TRIOBP: variants seen among roughly 807,000 people sequenced by gnomAD.
TRIOBP encodes TRIO and F-actin binding protein.
Under a neutral mutation model 238.8 loss-of-function variants are expected in TRIOBP, and 169 were observed. That is an observed-to-expected ratio of 0.71 (90% CI 0.62 to 0.80). TRIOBP has a LOEUF of 0.80. Among genes scored for constraint, TRIOBP ranks in the 30% least tolerant of loss-of-function variants. TRIOBP has a pLI of 0.00. For synonymous variants in TRIOBP, 1,150 were observed against 1,274.4 expected (o/e 0.90, Z 2.08); for missense variants, 2,838 against 3,122.6 (o/e 0.91, Z 2.17).
chr22:37,721,968 G>T (rs1366836126), intron 6 of TRIOBP, among the ~76,000 whole-genome samples: 3 of 152,158 alleles, frequency 2.0e-5, no homozygotes, highest in African/African-American at 7.2e-5. Flanking sequence ...GGTCACTACT[G>T]AGGACAGTTA....
At position 37,726,336 on chromosome 22, in the gene TRIOBP, G is replaced by C; in HGVS notation, c.3780G>C (p.Glu1260Asp). The C allele has an allele frequency of 6.2e-7, 1 of 1,611,670 alleles. No homozygotes were observed. Among genetic ancestry groups the C allele is most frequent in the African/African-American group, 1.3e-5 (1 of 75,054 alleles). Residue 1260 changes from glutamate (E) to aspartate (D), a missense_variant, in exon 7 of 24, where the codon GAG (glutamate) becomes GAC (aspartate). Coordinates refer to ENST00000644935, the MANE Select transcript of TRIOBP (RefSeq NM_001039141.3). ...CCCGGGGCTCAGCGCCTCCCGGGGA[G>C]ACCAGGCACAACTTGGAGCGGGAGG... ...GGSRGSAPPG[E>D]TRHNLEREEY...
intron 15 of TRIOBP, among the ~76,000 whole-genome samples, chr22:37,755,954 G>T (rs1487380921): frequency 6.6e-6 from 1 of 152,206 alleles, no homozygotes; most frequent in Non-Finnish European, 1.5e-5. Context: ...TGGGGGCCGT[G>T]TCTAAGCCTG....
intron 5 of TRIOBP, among the ~76,000 whole-genome samples, chr22:37,714,795 GCCT>G (rs1923431824): frequency 6.6e-6 from 1 of 152,072 alleles, no homozygotes; most frequent in African/African-American, 2.4e-5. Context: ...CCCCACCTCA[GCCT>G]CCTCAGTAGC....
intron 10 of TRIOBP, among the ~76,000 whole-genome samples, chr22:37,740,112 AG>A (rs1924864634): frequency 6.6e-6 from 1 of 152,182 alleles, no homozygotes; most frequent in South Asian, 2.1e-4. Flanking sequence ...ATGTGGTAGC[AG>A]GGTCGGGGGC....
chr22:37,743,776 G>A (rs955271628), intron 11 of TRIOBP, among the ~76,000 whole-genome samples: 1 of 148,984 alleles, frequency 6.7e-6, no homozygotes, highest in African/African-American at 2.5e-5. Context: ...GCATTGGGAG[G>A]GGGAAGGGGA....
chr22:37,751,531 C>T, intron 11 of TRIOBP: 2 of 570,778 alleles, frequency 3.5e-6, no homozygotes, highest in Non-Finnish European at 3.2e-6. Context: ...GTGTGCCAGC[C>T]ACCCAGCCCA....
At chr22:37,722,718 C>T (rs1206444812) in intron 6 of TRIOBP, among the ~76,000 whole-genome samples, 3 of 152,208 alleles carry the variant, frequency 2.0e-5, no homozygotes, top group African/African-American at 7.2e-5. Context: ...CAGAGCGAGA[C>T]TCTGACTCAA....
intron 17 of TRIOBP, among the ~76,000 whole-genome samples, chr22:37,761,020 T>C (rs1926218411): frequency 6.6e-6 from 1 of 151,282 alleles, no homozygotes; most frequent in Non-Finnish European, 1.5e-5. Flanking sequence ...ATCTAGGCCC[T>C]AGGCAGGAGG....
At position 37,724,785 on chromosome 22, in the gene TRIOBP, C is replaced by T. The variant is rs1426782101; in HGVS notation, c.2229C>T (p.Asn743=). The change falls in exon 7 of 24, where the codon AAC becomes AAT. Residue 743 remains asparagine (N), a synonymous_variant. Coordinates refer to ENST00000644935, the MANE Select transcript of TRIOBP (RefSeq NM_001039141.3). ...GCAACAGAACCATCCAGCGAGACAA[C>T]CCCAGAACATCCTGTGCCCAGCGGG... ...SSRNRTIQRD[N]PRTSCAQRDN... 1 of 1,612,900 alleles carries T rather than the reference C, an allele frequency of 6.2e-7. No homozygotes were observed. The highest frequency in any genetic ancestry group is 8.5e-7 in the Non-Finnish European group (1 of 1,179,214).
In TRIOBP at chr22:37,723,323, C is replaced by G; in HGVS notation, c.767C>G (p.Thr256Arg). ...CCACACAGTGGACCTCGAAGCACCA[C>G]GTCTCAGGCTTCTCCTGCCCAAAGG... ...MTPHSGPRST[T>R]SQASPAQRDT... Residue 256 changes from threonine to arginine, a missense_variant, in exon 7 of 24, where the codon ACG (threonine) becomes AGG (arginine). This residue lies in a region of TRIOBP where 535 missense variants were observed against 537.3 expected (regional missense o/e 1.00). Coordinates refer to ENST00000644935, the MANE Select transcript of TRIOBP (RefSeq NM_001039141.3). 1 of 1,614,134 alleles carries G rather than the reference C, an allele frequency of 6.2e-7. No individual in the cohort carries two copies. Among genetic ancestry groups the G allele is most frequent in the Non-Finnish European group, 8.5e-7 (1 of 1,179,994 alleles).
intron 6 of TRIOBP, among the ~76,000 whole-genome samples, chr22:37,721,258 C>G (rs1923814473): frequency 6.6e-6 from 1 of 152,142 alleles, no homozygotes; most frequent in South Asian, 2.1e-4. Flanking sequence ...GATGATCCAC[C>G]CGCCTTGGCC....
At chr22:37,737,071 A>G (rs1450382275) in intron 9 of TRIOBP, among the ~76,000 whole-genome samples, 30 of 152,216 alleles carry the variant, frequency 2.0e-4, no homozygotes, top group Non-Finnish European at 4.4e-5. Context: ...AGCAGGGATA[A>G]GTCAGCTCGT....
At chr22:37,756,956 A>G (rs920961782) in intron 15 of TRIOBP, among the ~76,000 whole-genome samples, 4 of 152,116 alleles carry the variant, frequency 2.6e-5, no homozygotes, top group African/African-American at 9.7e-5. Flanking sequence ...CTCATTGATC[A>G]CCATTTGCAA....
At chr22:37,731,185 T>C (rs1924404546) in intron 7 of TRIOBP, among the ~76,000 whole-genome samples, 1 of 151,994 alleles carries the variant, frequency 6.6e-6, no homozygotes, top group African/African-American at 2.4e-5. Flanking sequence ...TCACCCAGGC[T>C]GGAATGCAGT....
intron 11 of TRIOBP, chr22:37,750,499 A>G (rs1162983088): frequency 2.6e-6 from 1 of 387,372 alleles, no homozygotes; most frequent in African/African-American, 2.1e-5. Flanking sequence ...TGTGGTCACC[A>G]ATCTTCATTC....
At chr22:37,739,090 A>G (rs1306919667) in intron 10 of TRIOBP, among the ~76,000 whole-genome samples, 1 of 152,166 alleles carries the variant, frequency 6.6e-6, no homozygotes, top group Non-Finnish European at 1.5e-5. Flanking sequence ...TTCCACGAGC[A>G]GGAGCCAGAG....
intron 11 of TRIOBP, among the ~76,000 whole-genome samples, chr22:37,743,846 CTGGGTGTGTGT>C (rs1421058574): frequency 1.7e-5 from 1 of 59,014 alleles, no homozygotes; most frequent in Non-Finnish European, 3.3e-5. Flanking sequence ...TGTGTGTGTG[CTGGGTGTGTGT>C]GAGTGTGTGC....
intron 17 of TRIOBP, among the ~76,000 whole-genome samples, chr22:37,762,788 G>A (rs1926309842): frequency 6.6e-6 from 1 of 152,146 alleles, no homozygotes; most frequent in African/African-American, 2.4e-5. Context: ...CTGGAGGAGT[G>A]ACAGCTGGGA....
Position 37,724,694 on chromosome 22 carries a change from G to T in TRIOBP, c.2138G>T (p.Arg713Ile), listed in dbSNP as rs1924029099. 2 of 1,607,738 alleles carry T rather than the reference G, an allele frequency of 1.2e-6. No individual in the cohort carries two copies. The highest frequency in any genetic ancestry group is 1.7e-6 in the Non-Finnish European group (2 of 1,177,504). ...RDDPRASSPNRTTQQENPRTS... is the reference protein window; with the variant it reads ...RDDPRASSPNITTQQENPRTS... The stretch of plus-strand genomic sequence containing the variant: ...GATCCCAGAGCCTCCTCTCCTAACA[G>T]AACCACCCAACAAGAGAACCCCAGA... Residue 713 changes from arginine (R) to isoleucine (I), a missense_variant, in exon 7 of 24, where the codon AGA (arginine) becomes ATA (isoleucine). Physicochemically the swap from Arg to Ile is moderately conservative, Grantham distance 97. Coordinates refer to ENST00000644935, the MANE Select transcript of TRIOBP (RefSeq NM_001039141.3).
Sources: allele counts gnomAD v4.1 joint callset (sites outside exome capture counted in the v4.1 genomes callset), GRCh38; gene constraint gnomAD v4.1.1; regional missense constraint gnomAD v4.1.1; transcripts MANE v1.5; gene names NCBI Gene and HGNC (gene_info 2026-07-23, HGNC 2026-07-21).